The following MEIS1 variants were observed in gnomAD, a reference collection of about 807,000 sequenced individuals.
The protein encoded by MEIS1 is Meis homeobox 1, also known as homeobox protein Meis1.
In MEIS1, 5 loss-of-function variants were observed where a neutral mutation model predicts 50.8. The ratio of observed to expected loss-of-function variants is 0.10; its 90% CI spans 0.05 to 0.21. The LOEUF is 0.21. MEIS1 is among the 10% of genes least tolerant of loss of function. MEIS1 has a pLI of 1.00. For synonymous variants in MEIS1, 176 were observed against 179.3 expected (o/e 0.98, Z 0.15); for missense variants, 318 against 517.3 (o/e 0.61, Z 3.74).
At chr2:66,552,173 C>T (rs190246629) in intron 9 of MEIS1, among the ~76,000 whole-genome samples, 18 of 152,162 alleles carry the variant, frequency 1.2e-4, no homozygotes, top group East Asian at 1.2e-3. Context: ...ACCAGTGTTG[C>T]GGACCTGGGA....
intron 7 of MEIS1, chr2:66,509,016 G>A (rs1170948452): frequency 2.1e-6 from 1 of 471,230 alleles, no homozygotes; most frequent in East Asian, 6.9e-5. Flanking sequence ...TCGGCCGGCG[G>A]TTCTCCAAGT....
intron 8 of MEIS1, among the ~76,000 whole-genome samples, chr2:66,530,486 G>A (rs1422530121): frequency 6.6e-6 from 1 of 151,900 alleles, no homozygotes; most frequent in African/African-American, 2.4e-5. Context: ...AGGCCGAGGC[G>A]GGCGGATCAT....
intron 8 of MEIS1, among the ~76,000 whole-genome samples, chr2:66,538,886 T>G (rs11678321): frequency 0.87 from 132,894 of 151,954 alleles, 58,584 homozygotes; most frequent in South Asian, 0.93. Flanking sequence ...AGTTTTTTTT[T>G]TTTTTTTGTT....
intron 9 of MEIS1, among the ~76,000 whole-genome samples, chr2:66,560,103 T>A (rs1463531406): frequency 3.0e-5 from 1 of 33,150 alleles, no homozygotes; most frequent in Non-Finnish European, 7.4e-5. Context: ...GCCATCACTT[T>A]TTTTTTTTTT....
intron 7 of MEIS1, among the ~76,000 whole-genome samples, chr2:66,505,939 T>C (rs1673676296): frequency 6.6e-6 from 1 of 152,246 alleles, no homozygotes; most frequent in Non-Finnish European, 1.5e-5. Flanking sequence ...TTGGTGAATA[T>C]TTTTCAAGAG....
chr2:66,454,274 T>G (rs1672338817), intron 6 of MEIS1, among the ~76,000 whole-genome samples: 1 of 152,062 alleles, frequency 6.6e-6, no homozygotes, highest in African/African-American at 2.4e-5. Flanking sequence ...TGGGTGCTGG[T>G]TGATGGGGCT....
At chr2:66,568,381 G>A in intron 10 of MEIS1, 1 of 319,420 alleles carries the variant, frequency 3.1e-6, no homozygotes, top group East Asian at 7.1e-5. Flanking sequence ...ATTTACTCCT[G>A]TAACTTTTTT....
chr2:66,462,738 G>A (rs1483366746), intron 6 of MEIS1, among the ~76,000 whole-genome samples: 4 of 152,178 alleles, frequency 2.6e-5, no homozygotes, highest in East Asian at 1.9e-4. Flanking sequence ...TTCTTTCACA[G>A]TTCACATATC....
intron 1 of MEIS1, among the ~76,000 whole-genome samples, chr2:66,436,185 A>G (rs373842085): frequency 7.9e-5 from 12 of 152,312 alleles, no homozygotes; most frequent in African/African-American, 2.9e-4. Context: ...GAACATTCAG[A>G]GATCAGAAGT....
At chr2:66,454,925 T>C (rs1282274494) in intron 6 of MEIS1, 1 of 152,148 alleles carries the variant, frequency 6.6e-6, no homozygotes, top group African/African-American at 2.4e-5. Flanking sequence ...GGTATACTTA[T>C]TTGGAAATAT....
At chr2:66,502,090 G>A (rs532187058) in intron 7 of MEIS1, among the ~76,000 whole-genome samples, 3 of 152,300 alleles carry the variant, frequency 2.0e-5, no homozygotes, top group Middle Eastern at 3.4e-3. Flanking sequence ...CTCAAATTGT[G>A]AATGACCTAG....
At chr2:66,483,573 T>G (rs1673071008) in intron 7 of MEIS1, among the ~76,000 whole-genome samples, 1 of 152,200 alleles carries the variant, frequency 6.6e-6, no homozygotes, top group Admixed American at 6.5e-5. Context: ...CACTCTGAAA[T>G]GTTCCACAGG....
At chr2:66,449,022 CAA>C (rs1316755683) in intron 6 of MEIS1, among the ~76,000 whole-genome samples, 2 of 151,884 alleles carry the variant, frequency 1.3e-5, no homozygotes, top group Admixed American at 1.3e-4. Context: ...ATAATCGAAA[CAA>C]AATTTTTTGC....
At chr2:66,530,531 G>A (rs976658841) in intron 8 of MEIS1, among the ~76,000 whole-genome samples, 6 of 152,096 alleles carry the variant, frequency 3.9e-5, no homozygotes, top group Admixed American at 3.9e-4. Flanking sequence ...TGGCTAACAC[G>A]GTGAAACCCC....
intron 8 of MEIS1, among the ~76,000 whole-genome samples, chr2:66,528,234 G>A (rs1674305641): frequency 6.6e-6 from 1 of 152,138 alleles, no homozygotes; most frequent in Non-Finnish European, 1.5e-5. Flanking sequence ...GAATTTGGGG[G>A]ATTATTATTT....
At chr2:66,474,393 C>A (rs998318928) in intron 7 of MEIS1, among the ~76,000 whole-genome samples, 1 of 152,098 alleles carries the variant, frequency 6.6e-6, no homozygotes, top group East Asian at 1.9e-4. Flanking sequence ...TGTCCTATGC[C>A]CTTCCCAGTA....
intron 6 of MEIS1, among the ~76,000 whole-genome samples, chr2:66,452,939 T>G (rs1048015804): frequency 6.6e-5 from 10 of 151,970 alleles, no homozygotes; most frequent in African/African-American, 2.2e-4. Flanking sequence ...ATGAAGTGTA[T>G]TGCTAGTGTT....
At chr2:66,505,798 A>C (rs995073952) in intron 7 of MEIS1, among the ~76,000 whole-genome samples, 1 of 152,260 alleles carries the variant, frequency 6.6e-6, no homozygotes, top group African/African-American at 2.4e-5. Flanking sequence ...GGTAGACATC[A>C]TAAAGAATTC....
At chr2:66,557,296 A>G (rs1675090985) in intron 9 of MEIS1, among the ~76,000 whole-genome samples, 2 of 152,130 alleles carry the variant, frequency 1.3e-5, no homozygotes, top group African/African-American at 2.4e-5. Flanking sequence ...TAATTCATAA[A>G]CCATCATTTC....
Sources: allele counts gnomAD v4.1 joint callset (sites outside exome capture counted in the v4.1 genomes callset), GRCh38; gene constraint gnomAD v4.1.1; transcripts MANE v1.5; gene names NCBI Gene and HGNC (gene_info 2026-07-23, HGNC 2026-07-21).